RBP4: variants seen among roughly 807,000 people sequenced by gnomAD.
RBP4 encodes the protein retinol-binding protein 4.
In RBP4, 9 loss-of-function variants were observed where a neutral mutation model predicts 26.2. That is an observed-to-expected ratio of 0.34 (90% CI 0.21 to 0.60). RBP4 has a LOEUF of 0.60. Among genes scored for constraint, RBP4 ranks in the 20% least tolerant of loss-of-function variants. The pLI is 0.80. For missense variants in RBP4, 244 were observed against 271.3 expected, an observed-to-expected ratio of 0.90 and a Z score of 0.71; for synonymous variants, 114 against 111.0, an observed-to-expected ratio of 1.03 and a Z score of -0.17.
chr10:93,600,540 G>GGCTT (rs1423815403), intron 3 of RBP4, 41 bp from the exon 4 acceptor site: 4 of 1,612,876 alleles, frequency 2.5e-6, no homozygotes, highest in Non-Finnish European at 2.5e-6. Context: ...CCGGGCAAAG[G>GGCTT]GCTTCCTCCC....
Position 93,601,167 on chromosome 10 carries a change from TC to T in RBP4, c.-19+3del. 7.0e-7 allele frequency: 1 copy of T among 1,433,796 alleles called. No homozygotes were observed. 88.8% of individuals were successfully genotyped at this position (1,433,796 alleles called of 1,614,324 possible). On this transcript the variant is annotated splice_donor_region_variant and intron_variant, in intron 1 of 5. Coordinates refer to ENST00000371464, the MANE Select transcript of RBP4 (RefSeq NM_006744.4). ...CCGGCCCCGAGGCCCCGGCCGCGAC[TC>T]ACCACCGGGAGGGGAACCGCGCGCA...
chr10:93,600,138 G>A (rs73327278), intron 4 of RBP4, among the ~76,000 whole-genome samples: 2,500 of 152,292 alleles, frequency 0.016, 63 homozygotes, highest in African/African-American at 0.056. Context: ...GGCTGGTGGG[G>A]AAAATGACAC....
Position 93,593,943 on chromosome 10 carries a change from T to A in RBP4, c.448A>T (p.Ser150Cys). The A allele has an allele frequency of 1.9e-6, 3 of 1,614,070 alleles. No homozygotes were observed. Among genetic ancestry groups the A allele is most frequent in the Non-Finnish European group, 2.5e-6 (3 of 1,180,040 alleles). Reference protein sequence around the residue: ...LLNLDGTCADSYSFVFSRDPN... With the variant: ...LLNLDGTCADCYSFVFSRDPN... ...TCCCGGGAAAACACGAAGGAGTAGC[T>A]GTCAGCACAGGTGCCATCGAGGTTC... Residue 150 changes from serine (S) to cysteine (C), a missense_variant, in exon 5 of 6, where the codon AGC becomes TGC. Physicochemically the swap from Ser to Cys is moderately radical, Grantham distance 112. Transcript: ENST00000371464.
chr10:93,601,452 G>C (rs1437976744), upstream of RBP4: 9 of 1,084,248 alleles, frequency 8.3e-6, no homozygotes, highest in African/African-American at 4.9e-5. Flanking sequence ...GGGTGGCCTC[G>C]GCCAGGCCAA....
At chr10:93,598,806 T>C (rs2058317340) in intron 4 of RBP4, among the ~76,000 whole-genome samples, 1 of 152,252 alleles carries the variant, frequency 6.6e-6, no homozygotes, top group African/African-American at 2.4e-5. Flanking sequence ...TTCTAAAAAT[T>C]AATAATCTTG....
At chr10:93,601,668 C>G, upstream of RBP4, 1 of 778,828 alleles carries the variant, frequency 1.3e-6, no homozygotes, top group Non-Finnish European at 2.4e-6. Context: ...ATTGGCGCCT[C>G]CGTCTGCCTT....
intron 4 of RBP4, 130 bp from the exon 5 acceptor site, chr10:93,594,165 A>G (rs2058287720): frequency 2.3e-6 from 2 of 886,334 alleles, no homozygotes; most frequent in African/African-American, 3.3e-5. Flanking sequence ...AGGAAGCAGG[A>G]CACTTCAGAG....
At chr10:93,595,877 C>T (rs573775800) in intron 4 of RBP4, among the ~76,000 whole-genome samples, 1 of 152,336 alleles carries the variant, frequency 6.6e-6, no homozygotes, top group East Asian at 1.9e-4. Context: ...GAGGCTGTTC[C>T]AGGGTAACAG....
chr10:93,600,594 G>T lies in RBP4; in HGVS notation c.248+73C>A. 5.0e-6 allele frequency: 8 copies of T among 1,612,384 alleles called. No homozygotes were observed. The Admixed American group carries it at 1.3e-4, about 27-fold the overall frequency. ...GCTCCCTTCCCTTCACAATGCCCACGTGGCGATCAGCAGGCAGGGCCCTTG... is the reference window on the plus strand; with the variant it reads ...GCTCCCTTCCCTTCACAATGCCCACTTGGCGATCAGCAGGCAGGGCCCTTG... On this transcript the variant is annotated intron_variant, in intron 3 of 5. Coordinates refer to ENST00000371464, the MANE Select transcript of RBP4 (RefSeq NM_006744.4).
intron 4 of RBP4, among the ~76,000 whole-genome samples, chr10:93,597,362 C>T (rs748874415): frequency 5.3e-5 from 8 of 152,202 alleles, no homozygotes; most frequent in Non-Finnish European, 1.0e-4. Context: ...GAGCACAAAA[C>T]AATGATGATA....
chr10:93,598,452 C>T (rs1054506836), intron 4 of RBP4, among the ~76,000 whole-genome samples: 9 of 152,172 alleles, frequency 5.9e-5, no homozygotes, highest in African/African-American at 9.7e-5. Context: ...TAATTTTAAC[C>T]GGGCGGGCTT....
intron 5 of RBP4, among the ~76,000 whole-genome samples, chr10:93,593,086 G>T (rs190236606): frequency 6.6e-5 from 10 of 152,228 alleles, no homozygotes; most frequent in Admixed American, 2.6e-4. Flanking sequence ...CAAAAGTGCT[G>T]GGATTTCAGG....
chr10:93,597,110 C>T (rs1188077581), intron 4 of RBP4, among the ~76,000 whole-genome samples: 2 of 152,196 alleles, frequency 1.3e-5, no homozygotes, highest in African/African-American at 2.4e-5. Flanking sequence ...ATTCCAGGGC[C>T]GTGCCCTTAG....
Position 93,600,702 on chromosome 10 carries a change from C to A in RBP4, c.213G>T (p.Met71Ile). Reference sequence around the variant, plus strand: ...GGACTCGGCCCTTGGCTGTGGCGCTCATCTGGCCGGTCTCGTCCACGGAGA... The same window carrying A: ...GGACTCGGCCCTTGGCTGTGGCGCTAATCTGGCCGGTCTCGTCCACGGAGA... ...AEFSVDETGQ[M>I]SATAKGRVRL... The change falls in exon 3 of 6, where the codon ATG becomes ATT. Residue 71 changes from methionine to isoleucine, a missense_variant. Physicochemically the swap from Met to Ile is conservative, Grantham distance 10. Transcript: ENST00000371464. 6.2e-7 allele frequency: 1 copy of A among 1,610,800 alleles called. No homozygotes were observed. The highest frequency in any genetic ancestry group is 1.1e-5 in the South Asian group (1 of 90,332).
At chr10:93,593,793 G>T in intron 5 of RBP4, 30 bp downstream of exon 5, 1 of 1,608,298 alleles carries the variant, frequency 6.2e-7, no homozygotes. Flanking sequence ...CCTGCAGGAA[G>T]AGCCAGAAGG....
intron 4 of RBP4, among the ~76,000 whole-genome samples, chr10:93,599,265 A>T (rs1293567138): frequency 6.6e-6 from 1 of 151,932 alleles, no homozygotes; most frequent in African/African-American, 2.4e-5. Context: ...AAATAATAAT[A>T]AATTAAAATT....
chr10:93,600,352 C>G lies in RBP4; in HGVS notation c.355+41G>C, dbSNP rs57477607. 0.074 allele frequency: 115,456 copies of G among 1,551,718 alleles called. 4,867 individuals are homozygous for G. Among genetic ancestry groups the G allele is most frequent in the Middle Eastern group, 0.14 (816 of 5,938 alleles). On this transcript the variant is annotated intron_variant, in intron 4 of 5. Coordinates refer to ENST00000371464, the MANE Select transcript of RBP4 (RefSeq NM_006744.4). Reference sequence around the variant, plus strand: ...AAACCCAGCGATTTGGCCCGGTAGGCGCCCCATTCCCAAGACAGTCCCACA... The same window carrying G: ...AAACCCAGCGATTTGGCCCGGTAGGGGCCCCATTCCCAAGACAGTCCCACA...
At chr10:93,593,724 TG>T in intron 5 of RBP4, 98 bp downstream of exon 5, 1 of 1,366,232 alleles carries the variant, frequency 7.3e-7, no homozygotes, top group Non-Finnish European at 1.0e-6. Context: ...CTGTTTTCTC[TG>T]GGGTACGGAC....
At chr10:93,597,286 A>G (rs1446360140) in intron 4 of RBP4, among the ~76,000 whole-genome samples, 1 of 152,224 alleles carries the variant, frequency 6.6e-6, no homozygotes, top group Admixed American at 6.5e-5. Flanking sequence ...CCCCTTTACT[A>G]GCAGAGTGAC....
Sources: gnomAD v4.1 joint callset for allele counts (sites outside exome capture counted in the v4.1 genomes callset) on GRCh38, gnomAD v4.1.1 for gene constraint, MANE v1.5 for transcripts, NCBI Gene and HGNC (gene_info 2026-07-23, HGNC 2026-07-21) for gene names.